The following ANKS3 variants were observed in gnomAD, a reference collection of about 807,000 sequenced individuals.
ANKS3 encodes ankyrin repeat and SAM domain-containing protein 3.
Under a neutral mutation model 80.7 loss-of-function variants are expected in ANKS3, and 62 were observed. The ratio of observed to expected loss-of-function variants is 0.77; its 90% CI spans 0.63 to 0.95. The LOEUF is 0.95. ANKS3 is among the 40% of genes least tolerant of loss of function. The probability of loss-of-function intolerance (pLI) is 0.00; values close to 1 mark genes in which losing one functional copy is unlikely to be tolerated. For synonymous variants in ANKS3, 489 were observed against 355.3 expected (o/e 1.38, Z -4.23); for missense variants, 1,150 against 883.6 (o/e 1.30, Z -3.82).
chr16:4,698,230 G>A (rs559240880), intron 14 of ANKS3, 168 bp from the exon 15 acceptor site: 191 of 1,104,336 alleles, frequency 1.7e-4, no homozygotes, highest in Admixed American at 1.7e-3. Context: ...GAGGGCGACC[G>A]GTGCAGATTC....
chr16:4,700,425 A>C (rs962039424), intron 11 of ANKS3: 6 of 212,096 alleles, frequency 2.8e-5, no homozygotes, highest in African/African-American at 4.7e-5. Flanking sequence ...TCGAACAAAC[A>C]AACCAAATAA....
chr16:4,716,920 A>C (rs971514311), intron 6 of ANKS3, among the ~76,000 whole-genome samples: 2 of 151,112 alleles, frequency 1.3e-5, no homozygotes, highest in African/African-American at 2.4e-5. Flanking sequence ...ATCTCAAAAA[A>C]ATAATAATAA....
At chr16:4,731,043 C>T (rs1441436140) in intron 2 of ANKS3, among the ~76,000 whole-genome samples, 2 of 152,194 alleles carry the variant, frequency 1.3e-5, no homozygotes, top group Middle Eastern at 3.2e-3. Context: ...AAGGATCCAA[C>T]AGTTGACATG....
rs1277840118 is a variant in ANKS3 at position 4,696,702 on chromosome 16, G to A, written c.*206C>T. ...CCACGAGGTTCTGGGTGAGGCCCTC[G>A]TCCCGCCTCAGTGCTGGCCCGAGCT... On this transcript the variant is annotated 3_prime_UTR_variant, in exon 18 of 18. Coordinates refer to ENST00000304283, the MANE Select transcript of ANKS3 (RefSeq NM_133450.4). 14 of 424,564 alleles carry A rather than the reference G, an allele frequency of 3.3e-5. No homozygotes were observed. Among genetic ancestry groups the A allele is most frequent in the African/African-American group, 1.4e-4 (7 of 49,390 alleles). The allele number at this position is 424,564 out of a possible 1,614,324, so 26.3% of individuals were successfully genotyped here.
Position 4,701,035 on chromosome 16 carries a change from C to T in ANKS3, c.1219G>A (p.Asp407Asn). The T allele has an allele frequency of 6.2e-7, 1 of 1,614,122 alleles. No individual in the cohort carries two copies. The highest frequency in any genetic ancestry group is 8.5e-7 in the Non-Finnish European group (1 of 1,180,028). Residue 407 changes from aspartate (D) to asparagine (N), a missense_variant, in exon 11 of 18, where the codon GAC becomes AAC. Physicochemically the swap from Asp to Asn is conservative, Grantham distance 23. Coordinates refer to ENST00000304283, the MANE Select transcript of ANKS3 (RefSeq NM_133450.4). ...GACTCAGCGAGAAAGCCTTCCCTGT[C>T]AGTTGCAGCGCGGGGAGGCCACTGG... The part of the protein sequence containing the change: ...DSQWPPRAAT[D>N]REGFLAESSP...
intron 8 of ANKS3, among the ~76,000 whole-genome samples, chr16:4,702,505 C>T (rs915110016): frequency 3.9e-5 from 6 of 152,170 alleles, no homozygotes; most frequent in African/African-American, 1.2e-4. Flanking sequence ...AAGGGGAAAA[C>T]GTAGCAAATG....
At position 4,733,998 on chromosome 16, in the gene ANKS3, G is replaced by A. The variant is rs201317132; in HGVS notation, c.-131C>T. ...CCCACAGGAACGCTACGGCGCACAG[G>A]GCATTACTGTGCCCCCACCACAACC... On this transcript the variant is annotated 5_prime_UTR_variant, in exon 1 of 18. Transcript: ENST00000304283. 4 of 985,328 alleles carry A rather than the reference G, an allele frequency of 4.1e-6. No homozygotes were observed. Among genetic ancestry groups the A allele is most frequent in the East Asian group, 1.1e-4 (1 of 8,828 alleles). The allele number at this position is 985,328 out of a possible 1,614,324, so 61.0% of individuals were successfully genotyped here. A position where few individuals can be genotyped will look rare whatever the true frequency, so the allele number is the denominator to read the frequency against.
rs201580988 is a variant in ANKS3, at chr16:4,706,379, CG to C, written c.710-1127del. On this transcript the variant is annotated intron_variant, in intron 7 of 17. Transcript: ENST00000304283. ...CCAAGTAGCTGGGACTACAGGCACC[CG>C]GCCACCATGCCCAGCTAATCTTGTT... Among the ~76,000 whole-genome samples the C allele has an allele frequency of 5.9e-3, 903 of 151,858 alleles. 10 individuals are homozygous for C. Among genetic ancestry groups the C allele is most frequent in the African/African-American group, 0.02 (841 of 41,390 alleles).
At chr16:4,720,088 G>A (rs538848980) in intron 6 of ANKS3, among the ~76,000 whole-genome samples, 2 of 146,898 alleles carry the variant, frequency 1.4e-5, no homozygotes, top group East Asian at 2.0e-4. Context: ...CTTGAGCCTG[G>A]GAGTCAGAAG....
rs1309526228 is a variant in ANKS3, at chr16:4,699,133, A to G, written c.1328T>C (p.Leu443Pro). 2 of 1,614,122 alleles carry G rather than the reference A, an allele frequency of 1.2e-6. No homozygotes were observed. Among genetic ancestry groups the G allele is most frequent in the Admixed American group, 1.7e-5 (1 of 60,020 alleles). Residue 443 changes from leucine to proline, a missense_variant, in exon 12 of 18, where the codon CTG becomes CCG. Physicochemically the swap from Leu to Pro is moderately conservative, Grantham distance 98. Coordinates refer to ENST00000304283, the MANE Select transcript of ANKS3 (RefSeq NM_133450.4). ...LLEQIGCLKY[L>P]QVFEEQDVDL... Reference sequence around the variant, plus strand: ...CACGTCCTGCTCCTCAAACACCTGCAGGTACTTCAGACACCCGATCTGCTC... The same window carrying G: ...CACGTCCTGCTCCTCAAACACCTGCGGGTACTTCAGACACCCGATCTGCTC...
intron 1 of ANKS3, among the ~76,000 whole-genome samples, chr16:4,732,625 G>A (rs859319): frequency 0.53 from 78,673 of 147,268 alleles, 21,382 homozygotes; most frequent in East Asian, 0.67. Context: ...ATTGCAGTGA[G>A]CCGAGCTCAA....
rs201847055 is a variant in ANKS3 at position 4,698,797 on chromosome 16, C to T, written c.1551+3G>A. ...CCCCCCCATCCCCCACCCAGCCACT[C>T]ACCTTGTGCAGCTGGATGGCGAGCT... On this transcript the variant is annotated splice_donor_region_variant and intron_variant, in intron 13 of 17. Transcript: ENST00000304283. 157 of 1,603,538 alleles carry T rather than the reference C, an allele frequency of 9.8e-5. No individual in the cohort carries two copies. In the African/African-American group the frequency reaches 2.0e-3, roughly 20 times the overall value.
At chr16:4,716,724 G>C (rs1436708966) in intron 6 of ANKS3, among the ~76,000 whole-genome samples, 1 of 151,896 alleles carries the variant, frequency 6.6e-6, no homozygotes, top group Non-Finnish European at 1.5e-5. Flanking sequence ...AGACCAGCCT[G>C]GGCAATGTGG....
chr16:4,726,431 G>A (rs748113482), intron 5 of ANKS3, among the ~76,000 whole-genome samples: 1 of 152,226 alleles, frequency 6.6e-6, no homozygotes, highest in South Asian at 2.1e-4. Flanking sequence ...TATGACCCAG[G>A]TGGGTTTCAG....
intron 8 of ANKS3, 83 bp downstream of exon 8, chr16:4,705,012 A>G: frequency 6.5e-7 from 1 of 1,530,272 alleles, no homozygotes; most frequent in Non-Finnish European, 8.8e-7. Flanking sequence ...ACATTTCAGG[A>G]GCCTAAGAGC....
Position 4,698,535 on chromosome 16 carries a change from A to T in ANKS3, c.1616T>A (p.Val539Glu). Residue 539 changes from valine to glutamate, a missense_variant, in exon 14 of 18, where the codon GTG becomes GAG. Val to Glu is a moderately radical substitution (Grantham distance 121, BLOSUM62 -2). Transcript: ENST00000304283. ...GTCCTGCTCCAGCAGGCAGCTCTCC[A>T]CCACGGCGCGCAGCTCCTGCTCCTG... ...VCQEQELRAV[V>E]ESCLLEQDRA... 6.3e-7 allele frequency: 1 copy of T among 1,576,008 alleles called. No homozygotes were observed. Among genetic ancestry groups the T allele is most frequent in the Non-Finnish European group, 8.6e-7 (1 of 1,169,118 alleles).
At position 4,696,898 on chromosome 16, in the gene ANKS3, T is replaced by G; in HGVS notation, c.*12-2A>C. On this transcript the variant is annotated splice_acceptor_variant, in intron 17 of 17. Coordinates refer to ENST00000304283, the MANE Select transcript of ANKS3 (RefSeq NM_133450.4). LOFTEE classifies it low-confidence loss of function (3UTR_SPLICE). Reference sequence around the variant, plus strand: ...GGACCAATCACCCAACGTCAGATTCTGAAAGAAAAAGCCCCGGTGAGAAGG... The same window carrying G: ...GGACCAATCACCCAACGTCAGATTCGGAAAGAAAAAGCCCCGGTGAGAAGG... 1.1e-6 allele frequency: 1 copy of G among 935,782 alleles called. No individual in the cohort carries two copies. Among genetic ancestry groups the G allele is most frequent in the Non-Finnish European group, 1.6e-6 (1 of 606,846 alleles). The allele number at this position is 935,782 out of a possible 1,614,324, so 58.0% of individuals were successfully genotyped here. A position where few individuals can be genotyped will look rare whatever the true frequency, so the allele number is the denominator to read the frequency against.
Position 4,702,171 on chromosome 16 carries a change from A to C in ANKS3, c.940T>G (p.Cys314Gly). ...GENPLEEEGL[C>G]CRDVTSPINE... ...ATGGGGGAGGTGACATCCCGGCAGC[A>C]GAGGCCCTCTTCTTCCAGGGGGTTC... is the stretch of plus-strand genomic sequence containing the variant. Residue 314 changes from cysteine to glycine, a missense_variant, in exon 9 of 18, where the codon TGC (cysteine) becomes GGC (glycine). Cys to Gly is a radical substitution (Grantham distance 159). Coordinates refer to ENST00000304283, the MANE Select transcript of ANKS3 (RefSeq NM_133450.4). The C allele has an allele frequency of 6.3e-7, 1 of 1,594,596 alleles. No homozygotes were observed. The highest frequency in any genetic ancestry group is 8.5e-7 in the Non-Finnish European group (1 of 1,171,560).
chr16:4,697,425 C>T lies in ANKS3; in HGVS notation c.1811-9G>A, dbSNP rs575040309. ...TTGCCAGCCCTTGGAGTCTGTGGTG[C>T]AGGTGCAGGGACCGAGTTAGCTGGG... On this transcript the variant is annotated splice_polypyrimidine_tract_variant and intron_variant, in intron 15 of 17. Coordinates refer to ENST00000304283, the MANE Select transcript of ANKS3 (RefSeq NM_133450.4). 11 of 1,593,400 alleles carry T rather than the reference C, an allele frequency of 6.9e-6. No homozygotes were observed. The highest frequency in any genetic ancestry group is 2.7e-5 in the African/African-American group (2 of 74,366).
Sources: allele counts gnomAD v4.1 joint callset (sites outside exome capture counted in the v4.1 genomes callset), GRCh38; gene constraint gnomAD v4.1.1; transcripts MANE v1.5; gene names NCBI Gene and HGNC (gene_info 2026-07-23, HGNC 2026-07-21).